The following IGF2BP3 variants were observed in gnomAD, a reference collection of about 807,000 sequenced individuals.
The protein encoded by IGF2BP3 is insulin like growth factor 2 mRNA binding protein 3, also known as insulin-like growth factor 2 mRNA-binding protein 3.
In IGF2BP3, 9 loss-of-function variants were observed where a neutral mutation model predicts 73.8. The observed-to-expected ratio is 0.12, with a 90% confidence interval of 0.07 to 0.21. The LOEUF is 0.21. Ranked by LOEUF, IGF2BP3 falls within the 10% of genes least tolerant of loss-of-function variation. The pLI is 1.00. For missense variants in IGF2BP3, 542 were observed against 714.0 expected, an observed-to-expected ratio of 0.76 and a Z score of 2.75; for synonymous variants, 258 against 256.7, an observed-to-expected ratio of 1.01 and a Z score of -0.05.
At chr7:23,342,645 A>T (rs553865213) in intron 9 of IGF2BP3, among the ~76,000 whole-genome samples, 1 of 152,320 alleles carries the variant, frequency 6.6e-6, no homozygotes, top group East Asian at 1.9e-4. Context: ...GAGGCCTCAA[A>T]GTTGAGCCCT....
chr7:23,333,363 C>T (rs1419920907), intron 10 of IGF2BP3, among the ~76,000 whole-genome samples: 1 of 152,178 alleles, frequency 6.6e-6, no homozygotes. Flanking sequence ...AATGTAGCAG[C>T]ATCCTCCTCA....
intron 2 of IGF2BP3, among the ~76,000 whole-genome samples, chr7:23,443,137 G>A (rs529350858): frequency 2.3e-5 from 2 of 85,348 alleles, no homozygotes; most frequent in East Asian, 4.1e-4. Context: ...TTTTGAGACT[G>A]TGTCTTGCTC....
intron 5 of IGF2BP3, among the ~76,000 whole-genome samples, chr7:23,360,418 A>G (rs948114622): frequency 4.6e-5 from 7 of 152,248 alleles, no homozygotes; most frequent in African/African-American, 1.7e-4. Flanking sequence ...TTTGTGTAAA[A>G]GGAGGAATAC....
At chr7:23,361,215 A>C in intron 5 of IGF2BP3, 1 of 227,740 alleles carries the variant, frequency 4.4e-6, no homozygotes, top group East Asian at 1.1e-4. Context: ...CAAGAGGGGG[A>C]GACGGGGAGA....
intron 2 of IGF2BP3, among the ~76,000 whole-genome samples, chr7:23,445,490 A>G (rs1788037899): frequency 6.6e-6 from 1 of 151,802 alleles, no homozygotes; most frequent in Admixed American, 6.6e-5. Context: ...CGTATACACT[A>G]TAGAGTATTA....
rs781741806 is a variant in IGF2BP3 at position 23,362,864 on chromosome 7, T to A, written c.286-1123A>T. On this transcript the variant is annotated intron_variant, in intron 3 of 14. Coordinates refer to ENST00000258729, the MANE Select transcript of IGF2BP3 (RefSeq NM_006547.3). ...AACCTTCTGAGTTTAAGTGATCTTCTCACCTCAGCCATCCAAGCAGCTGGC... is the reference window on the plus strand; with the variant it reads ...AACCTTCTGAGTTTAAGTGATCTTCACACCTCAGCCATCCAAGCAGCTGGC... Among the ~76,000 whole-genome samples, 103 of 151,922 alleles carry A rather than the reference T, an allele frequency of 6.8e-4. 2 individuals are homozygous for A. Among genetic ancestry groups the A allele is most frequent in the Admixed American group, 6.6e-4 (10 of 15,254 alleles).
At chr7:23,423,484 C>A (rs1472212969) in intron 2 of IGF2BP3, among the ~76,000 whole-genome samples, 1 of 152,132 alleles carries the variant, frequency 6.6e-6, no homozygotes, top group Non-Finnish European at 1.5e-5. Flanking sequence ...ATATAACTAT[C>A]AGAAAATAAA....
intron 12 of IGF2BP3, among the ~76,000 whole-genome samples, chr7:23,316,133 A>T (rs1783981547): frequency 6.6e-6 from 1 of 152,206 alleles, no homozygotes; most frequent in African/African-American, 2.4e-5. Context: ...CTGGATCACA[A>T]GGCTGCTGTG....
chr7:23,344,390 C>A (rs1455427449), intron 8 of IGF2BP3, among the ~76,000 whole-genome samples: 1 of 152,162 alleles, frequency 6.6e-6, no homozygotes, highest in African/African-American at 2.4e-5. Context: ...TTAGTTTTTA[C>A]CAGTTTCTTT....
chr7:23,418,192 C>T (rs1177478402), intron 3 of IGF2BP3, among the ~76,000 whole-genome samples: 1 of 152,160 alleles, frequency 6.6e-6, no homozygotes, highest in African/African-American at 2.4e-5. Context: ...TAAGAACTTT[C>T]AGGTTCCATT....
At chr7:23,453,977 C>A (rs1211677733) in intron 2 of IGF2BP3, among the ~76,000 whole-genome samples, 9 of 152,182 alleles carry the variant, frequency 5.9e-5, no homozygotes, top group African/African-American at 1.7e-4. Flanking sequence ...CAGGCACGCA[C>A]CACCATGCCT....
intron 2 of IGF2BP3, chr7:23,450,824 G>A (rs1283471497): frequency 1.3e-5 from 2 of 152,176 alleles, no homozygotes; most frequent in Admixed American, 6.5e-5. Context: ...AGGATCACTT[G>A]AAGCCCAGGA....
intron 10 of IGF2BP3, among the ~76,000 whole-genome samples, chr7:23,340,379 CCAAT>C (rs918387455): frequency 9.9e-5 from 15 of 152,080 alleles, no homozygotes; most frequent in African/African-American, 3.6e-4. Context: ...GCTTAGAACC[CCAAT>C]CAGTTTGGTG....
rs1169431872 is a variant in IGF2BP3 at position 23,322,696 on chromosome 7, A to T, written c.1204-3442T>A. On this transcript the variant is annotated intron_variant, in intron 10 of 14. Transcript: ENST00000258729. ...GAAAGGTCGGGTTACCCACAAAGGGAAGCCCATCAGACTAACAGCAGATCT... is the reference window on the plus strand; with the variant it reads ...GAAAGGTCGGGTTACCCACAAAGGGTAGCCCATCAGACTAACAGCAGATCT... Among the ~76,000 whole-genome samples, 15 of 152,330 alleles carry T rather than the reference A, an allele frequency of 9.8e-5. No individual in the cohort carries two copies. The East Asian group carries it at 2.9e-3, about 29-fold the overall frequency.
intron 5 of IGF2BP3, among the ~76,000 whole-genome samples, chr7:23,352,875 TGTAA>T (rs1785001589): frequency 6.6e-6 from 1 of 152,358 alleles, no homozygotes; most frequent in East Asian, 1.9e-4. Context: ...TTTAATTTAT[TGTAA>T]TATTCATCCA....
rs55716214 is a variant in IGF2BP3 at position 23,399,411 on chromosome 7, T to TA, written c.285+19364dup. 7.5e-4 allele frequency among the ~76,000 whole-genome samples: 107 copies of TA among 141,996 alleles called. 1 individual carries two copies. The Middle Eastern group carries it at 0.01, about 14-fold the overall frequency. The allele number at this position is 141,996 out of a possible 152,430, so 93.2% of individuals were successfully genotyped here. On this transcript the variant is annotated intron_variant, in intron 3 of 14. Transcript: ENST00000258729. ...TAATAATAATAAAATTAAATTAAAT[T>TA]AAAAAAAAAAAAAGAAAGAGGAAAC...
intron 3 of IGF2BP3, among the ~76,000 whole-genome samples, chr7:23,380,289 G>C (rs111342539): frequency 6.7e-6 from 1 of 149,674 alleles, no homozygotes; most frequent in Non-Finnish European, 1.5e-5. Context: ...TCAGCCTCCC[G>C]AGTACTAGGA....
At chr7:23,389,262 G>C (rs766878018) in intron 3 of IGF2BP3, among the ~76,000 whole-genome samples, 15 of 151,606 alleles carry the variant, frequency 9.9e-5, no homozygotes, top group Non-Finnish European at 1.8e-4. Flanking sequence ...CCAGGTTCAA[G>C]TGATTCTCCT....
At chr7:23,403,293 T>G (rs1297243600) in intron 3 of IGF2BP3, among the ~76,000 whole-genome samples, 1 of 152,228 alleles carries the variant, frequency 6.6e-6, no homozygotes, top group African/African-American at 2.4e-5. Context: ...CTGAGGATTA[T>G]TCTACATATG....
Sources: allele counts gnomAD v4.1 joint callset (sites outside exome capture counted in the v4.1 genomes callset), GRCh38; gene constraint gnomAD v4.1.1; transcripts MANE v1.5; gene names NCBI Gene and HGNC (gene_info 2026-07-23, HGNC 2026-07-21).